Variants in CNTN5 observed in about 807,000 individuals in gnomAD.
The protein encoded by CNTN5 is contactin 5.
CNTN5 carries 77 observed loss-of-function variants against 129.1 expected under a neutral mutation model. That is an observed-to-expected ratio of 0.60 (90% CI 0.50 to 0.72). The LOEUF (loss-of-function observed/expected upper bound fraction) is 0.72. CNTN5 is among the 30% of genes least tolerant of loss of function. The pLI is 0.00. For missense variants in CNTN5, 1,478 were observed against 1,328.8 expected, an observed-to-expected ratio of 1.11 and a Z score of -1.75; for synonymous variants, 509 against 465.6, an observed-to-expected ratio of 1.09 and a Z score of -1.20.
At chr11:100,310,377 A>C (rs1951447922) in intron 21 of CNTN5, among the ~76,000 whole-genome samples, 1 of 151,918 alleles carries the variant, frequency 6.6e-6, no homozygotes, top group South Asian at 2.1e-4. Flanking sequence ...TCAGATAACC[A>C]TTATGATTCA....
intron 10 of CNTN5, among the ~76,000 whole-genome samples, chr11:100,063,706 T>TAAAAAAAAAAAAAA (rs35896237): frequency 1.7e-5 from 2 of 115,284 alleles, no homozygotes; most frequent in African/African-American, 3.3e-5. Context: ...AACCTGTCTC[T>TAAAAAAAAAAAAAA]AAAAAAAAAA....
At position 100,323,642 on chromosome 11, in the gene CNTN5, C is replaced by CT. The variant is rs201476179; in HGVS notation, c.2730+15174_2730+15175insT. The stretch of plus-strand genomic sequence containing the variant: ...CAGTATTTATATGTCCTCCTCCCCC[C>CT]CCCTTCTTTTCATCACTCTTGATTA... On this transcript the variant is annotated intron_variant, in intron 21 of 24. Transcript: ENST00000524871. Among the ~76,000 whole-genome samples, 306 of 134,526 alleles carry CT rather than the reference C, an allele frequency of 2.3e-3. 3 individuals carry two copies. The highest frequency in any genetic ancestry group is 8.7e-3 in the African/African-American group (290 of 33,192). The allele number at this position is 134,526 out of a possible 152,430, so 88.3% of individuals were successfully genotyped here. A position where few individuals can be genotyped will look rare whatever the true frequency, so the allele number is the denominator to read the frequency against.
chr11:100,271,015 G>C (rs1159167032), intron 17 of CNTN5, 77 bp from the exon 18 acceptor site: 19 of 1,167,978 alleles, frequency 1.6e-5, no homozygotes, highest in Admixed American at 6.9e-5. Context: ...TCTGTCAGTA[G>C]CATTAATATT....
chr11:99,036,168 G>A (rs1032646593), intron 1 of CNTN5, among the ~76,000 whole-genome samples: 1 of 152,042 alleles, frequency 6.6e-6, no homozygotes, highest in Non-Finnish European at 1.5e-5. Context: ...CGAAATGCCA[G>A]CTATTCAGAA....
chr11:99,775,433 G>A (rs183771114), intron 3 of CNTN5, among the ~76,000 whole-genome samples: 1 of 151,974 alleles, frequency 6.6e-6, no homozygotes, highest in East Asian at 1.9e-4. Context: ...TGGAAATGAA[G>A]GTTAATATCT....
intron 3 of CNTN5, among the ~76,000 whole-genome samples, chr11:99,816,466 T>C (rs1266320536): frequency 6.6e-6 from 1 of 152,154 alleles, no homozygotes; most frequent in Non-Finnish European, 1.5e-5. Flanking sequence ...TCATGAGCCT[T>C]TACCTCAAGC....
Position 100,113,322 on chromosome 11 carries a change from A to G in CNTN5, c.1580+39028A>G, listed in dbSNP as rs146430039. ...CTAGTAGCTACTATATTAATCATAC[A>G]GCTGGTATCGCCATGTAACCTGAAA... On this transcript the variant is annotated intron_variant, in intron 13 of 24. Coordinates refer to ENST00000524871, the MANE Select transcript of CNTN5 (RefSeq NM_014361.4). 3.0e-3 allele frequency among the ~76,000 whole-genome samples: 446 copies of G among 148,648 alleles called. 1 individual carries two copies. Among genetic ancestry groups the G allele is most frequent in the African/African-American group, 1.0e-2 (408 of 40,898 alleles).
At chr11:100,135,316 C>A (rs1408407726) in intron 13 of CNTN5, among the ~76,000 whole-genome samples, 4 of 151,594 alleles carry the variant, frequency 2.6e-5, no homozygotes, top group African/African-American at 7.3e-5. Context: ...GCTGGGACTA[C>A]AGGCATGTGC....
chr11:99,565,268 C>T (rs772488524), intron 3 of CNTN5, among the ~76,000 whole-genome samples: 4 of 152,126 alleles, frequency 2.6e-5, no homozygotes, highest in Non-Finnish European at 4.4e-5. Context: ...GTGCCCTTAT[C>T]TGACTGAGGA....
intron 2 of CNTN5, among the ~76,000 whole-genome samples, chr11:99,360,010 T>C (rs1383865078): frequency 2.0e-5 from 3 of 152,188 alleles, no homozygotes; most frequent in Admixed American, 1.3e-4. Flanking sequence ...ATATCTCATA[T>C]ACCCCATAAA....
chr11:99,471,139 G>A (rs1003528267), intron 2 of CNTN5, among the ~76,000 whole-genome samples: 1 of 119,424 alleles, frequency 8.4e-6, no homozygotes, highest in Non-Finnish European at 1.7e-5. Context: ...TATATTTAAA[G>A]TAATGTTGCT....
At chr11:99,588,351 A>C (rs1295241473) in intron 3 of CNTN5, among the ~76,000 whole-genome samples, 7 of 150,990 alleles carry the variant, frequency 4.6e-5, no homozygotes, top group African/African-American at 1.7e-4. Context: ...CTCAAAAAAA[A>C]AAAAAAAAAA....
At chr11:100,281,814 C>G (rs892708654) in intron 18 of CNTN5, among the ~76,000 whole-genome samples, 3 of 151,896 alleles carry the variant, frequency 2.0e-5, no homozygotes, top group Non-Finnish European at 2.9e-5. Context: ...TTTCAAATAG[C>G]CTATCTTAAA....
intron 13 of CNTN5, among the ~76,000 whole-genome samples, chr11:100,141,449 T>A (rs962418941): frequency 6.6e-6 from 1 of 152,120 alleles, no homozygotes; most frequent in African/African-American, 2.4e-5. Context: ...AGCACAGGGG[T>A]GTTCTTTTGA....
intron 1 of CNTN5, among the ~76,000 whole-genome samples, chr11:99,154,708 G>A (rs1040295984): frequency 5.9e-5 from 9 of 152,118 alleles, no homozygotes; most frequent in Non-Finnish European, 1.2e-4. Flanking sequence ...TAGGTGCTCC[G>A]CCGAGGACCT....
intron 1 of CNTN5, among the ~76,000 whole-genome samples, chr11:99,263,901 C>T (rs1360308973): frequency 6.6e-6 from 1 of 151,952 alleles, no homozygotes; most frequent in Non-Finnish European, 1.5e-5. Flanking sequence ...CTAGTTGTTA[C>T]CCGAAGCAAA....
intron 15 of CNTN5, among the ~76,000 whole-genome samples, chr11:100,215,253 C>T (rs531493634): frequency 1.3e-5 from 2 of 152,240 alleles, no homozygotes; most frequent in Non-Finnish European, 2.9e-5. Flanking sequence ...AAGTTACAAG[C>T]CTTCTTATGA....
rs1944219529 is a variant in CNTN5 at position 100,078,153 on chromosome 11, G to A, written c.1580+3859G>A. Among the ~76,000 whole-genome samples, 11 of 152,142 alleles carry A rather than the reference G, an allele frequency of 7.2e-5. No homozygotes were observed. In the South Asian group the frequency reaches 2.3e-3, roughly 32 times the overall value. On this transcript the variant is annotated intron_variant, in intron 13 of 24. Coordinates refer to ENST00000524871, the MANE Select transcript of CNTN5 (RefSeq NM_014361.4). ...GGCTCATTTTTTTCTACCACGTTTT[G>A]AGTAAATCTGCCAGGTTTAGTTTTC... is the stretch of plus-strand genomic sequence containing the variant.
chr11:99,106,881 G>C (rs1867022863), intron 1 of CNTN5, among the ~76,000 whole-genome samples: 1 of 152,030 alleles, frequency 6.6e-6, no homozygotes, highest in Non-Finnish European at 1.5e-5. Context: ...GTATAAAATT[G>C]TTTAATAAGG....
Sources: allele counts gnomAD v4.1 joint callset (sites outside exome capture counted in the v4.1 genomes callset), GRCh38; gene constraint gnomAD v4.1.1; transcripts MANE v1.5; gene names NCBI Gene and HGNC (gene_info 2026-07-23, HGNC 2026-07-21).